TANC2: variants seen among roughly 807,000 people sequenced by gnomAD.
The protein encoded by TANC2 is protein TANC2.
A neutral mutation model predicts 210.5 loss-of-function variants in TANC2; 26 were observed. The ratio of observed to expected loss-of-function variants is 0.12; its 90% CI spans 0.09 to 0.17. The LOEUF (loss-of-function observed/expected upper bound fraction) is 0.17, where lower values mean the gene tolerates loss of function less well. Ranked by LOEUF, TANC2 falls within the 10% of genes least tolerant of loss-of-function variation. The pLI, the probability that TANC2 is intolerant of heterozygous loss-of-function variation, is 1.00. For synonymous variants in TANC2, 931 were observed against 967.1 expected (o/e 0.96, Z 0.69); for missense variants, 2,129 against 2,608.9 (o/e 0.82, Z 4.01).
chr17:63,143,994 A>G (rs558691841), intron 4 of TANC2, among the ~76,000 whole-genome samples: 120 of 152,296 alleles, frequency 7.9e-4, no homozygotes, highest in African/African-American at 2.7e-3. Flanking sequence ...CTTTAAAAAA[A>G]AGAAAAAATT....
chr17:63,058,146 C>T (rs2035871487), intron 2 of TANC2, among the ~76,000 whole-genome samples: 1 of 152,080 alleles, frequency 6.6e-6, no homozygotes, highest in African/African-American at 2.4e-5. Flanking sequence ...GAGATGGTAT[C>T]TCATTGTGGT....
At chr17:62,969,969 G>T (rs577235680) in intron 1 of TANC2, among the ~76,000 whole-genome samples, 44 of 152,160 alleles carry the variant, frequency 2.9e-4, no homozygotes, top group Non-Finnish European at 5.4e-4. Context: ...TGTTTTATAA[G>T]ATATTGACCA....
At chr17:63,239,493 G>A (rs185064976) in intron 8 of TANC2, among the ~76,000 whole-genome samples, 12 of 152,148 alleles carry the variant, frequency 7.9e-5, no homozygotes, top group Middle Eastern at 6.9e-3. Context: ...CCTTTCCTAC[G>A]TGTTCTTTGT....
At chr17:63,135,645 A>G (rs1166205202) in intron 4 of TANC2, among the ~76,000 whole-genome samples, 1 of 152,136 alleles carries the variant, frequency 6.6e-6, no homozygotes, top group Admixed American at 6.5e-5. Context: ...TTTCTCTTAT[A>G]TATTTTATTT....
intron 3 of TANC2, among the ~76,000 whole-genome samples, chr17:63,098,216 C>T (rs957354078): frequency 6.6e-6 from 1 of 151,966 alleles, no homozygotes; most frequent in Admixed American, 6.6e-5. Flanking sequence ...TATTACCTTC[C>T]TCCACAAAGA....
chr17:62,974,801 T>G (rs1158978102), intron 1 of TANC2, among the ~76,000 whole-genome samples: 1 of 152,202 alleles, frequency 6.6e-6, no homozygotes, highest in African/African-American at 2.4e-5. Context: ...TGTGGCAAAG[T>G]GTTATGAAAA....
exon 28 of TANC2, chr17:63,422,694 T>C (rs2049055741): frequency 6.6e-6 from 1 of 152,220 alleles, no homozygotes; most frequent in Non-Finnish European, 1.5e-5. Context: ...GAATTGTGGC[T>C]ATTAAGAGAA....
At chr17:63,168,295 A>T (rs1194748893) in intron 5 of TANC2, among the ~76,000 whole-genome samples, 1 of 152,186 alleles carries the variant, frequency 6.6e-6, no homozygotes, top group Non-Finnish European at 1.5e-5. Flanking sequence ...TTTTCAAGAG[A>T]TGAGGTCCTG....
At chr17:63,384,194 C>T (rs1359854844) in intron 15 of TANC2, among the ~76,000 whole-genome samples, 1 of 152,020 alleles carries the variant, frequency 6.6e-6, no homozygotes, top group African/African-American at 2.4e-5. Flanking sequence ...CTCAGCCTCC[C>T]AAGTAGCTAG....
chr17:63,217,416 AT>A (rs2042052633), intron 7 of TANC2, among the ~76,000 whole-genome samples: 1 of 152,208 alleles, frequency 6.6e-6, no homozygotes, highest in Non-Finnish European at 1.5e-5. Flanking sequence ...GTCACAAACA[AT>A]TTTATTTTTT....
chr17:63,132,737 T>C (rs1185273447), intron 4 of TANC2, among the ~76,000 whole-genome samples: 1 of 152,208 alleles, frequency 6.6e-6, no homozygotes, highest in Non-Finnish European at 1.5e-5. Context: ...CAGAGAAATA[T>C]GATTCTTTAC....
At chr17:63,170,227 C>A (rs1478050383) in intron 5 of TANC2, among the ~76,000 whole-genome samples, 3 of 151,082 alleles carry the variant, frequency 2.0e-5, no homozygotes, top group South Asian at 2.1e-4. Flanking sequence ...GAGATTGAGA[C>A]CATCCTGGCT....
intron 9 of TANC2, among the ~76,000 whole-genome samples, chr17:63,272,188 C>A (rs1371786269): frequency 6.6e-6 from 1 of 152,076 alleles, no homozygotes. Context: ...AGCCAGTTAT[C>A]CCAGCACCAC....
In TANC2 at chr17:63,386,080, G is replaced by A. The variant is rs141311964; in HGVS notation, c.2692-2555G>A. ...TTTGATAAAGCCATGTCAAAATGTC[G>A]CAAAATATATCAACTTCTTGAGGCA... On this transcript the variant is annotated intron_variant, in intron 15 of 27. Transcript: ENST00000689528. Among the ~76,000 whole-genome samples, 386 of 152,266 alleles carry A rather than the reference G, an allele frequency of 2.5e-3. 2 individuals carry two copies. Among genetic ancestry groups the A allele is most frequent in the African/African-American group, 8.8e-3 (365 of 41,566 alleles).
intron 8 of TANC2, among the ~76,000 whole-genome samples, chr17:63,240,131 G>A (rs146695467): frequency 2.6e-5 from 4 of 152,248 alleles, no homozygotes; most frequent in East Asian, 1.9e-4. Flanking sequence ...AGTCTTTTCC[G>A]AAAAGAAGCA....
Position 63,281,156 on chromosome 17 carries a change from G to A in TANC2, c.1159+13283G>A, listed in dbSNP as rs375009904. Among the ~76,000 whole-genome samples the A allele has an allele frequency of 1.1e-4, 17 of 152,186 alleles. No homozygotes were observed. The South Asian group carries it at 3.5e-3, about 32-fold the overall frequency. ...GAAGTGAGTTTACATTTGAAATATA[G>A]GGACCAAAACTTATATTTGGAATAT... On this transcript the variant is annotated intron_variant, in intron 9 of 27. Coordinates refer to ENST00000689528, the Ensembl canonical transcript of TANC2.
At chr17:63,286,168 A>G (rs769816080) in intron 9 of TANC2, among the ~76,000 whole-genome samples, 1 of 152,152 alleles carries the variant, frequency 6.6e-6, no homozygotes, top group Non-Finnish European at 1.5e-5. Flanking sequence ...AATCTTATGT[A>G]TTTATCCATG....
intron 1 of TANC2, among the ~76,000 whole-genome samples, chr17:62,970,048 C>G (rs1486791176): frequency 6.6e-6 from 1 of 152,148 alleles, no homozygotes; most frequent in Non-Finnish European, 1.5e-5. Flanking sequence ...CACTTACATG[C>G]CTTTTACCCA....
intron 1 of TANC2, among the ~76,000 whole-genome samples, chr17:62,984,702 T>C (rs1454067690): frequency 1.3e-5 from 2 of 152,166 alleles, no homozygotes; most frequent in Non-Finnish European, 2.9e-5. Context: ...TTAATTCTTA[T>C]TTTTTTCCTT....
Sources: gnomAD v4.1 joint callset for allele counts (sites outside exome capture counted in the v4.1 genomes callset) on GRCh38, gnomAD v4.1.1 for gene constraint, MANE v1.5 for transcripts, NCBI Gene and HGNC (gene_info 2026-07-23, HGNC 2026-07-21) for gene names.